Variants in CDC42BPA observed in about 807,000 individuals in gnomAD.
The protein encoded by CDC42BPA is serine/threonine-protein kinase MRCK alpha.
Under a neutral mutation model 223.5 loss-of-function variants are expected in CDC42BPA, and 80 were observed. The ratio of observed to expected loss-of-function variants is 0.36; its 90% CI spans 0.30 to 0.43. The LOEUF is 0.43. Among genes scored for constraint, CDC42BPA ranks in the 20% least tolerant of loss-of-function variants. The pLI, the probability that CDC42BPA is intolerant of heterozygous loss-of-function variation, is 1.00. For synonymous variants in CDC42BPA, 694 were observed against 718.6 expected, an observed-to-expected ratio of 0.97 and a Z score of 0.55; for missense variants, 1,743 against 2,099.9, an observed-to-expected ratio of 0.83 and a Z score of 3.32.
At chr1:227,079,113 T>G (rs16847020) in intron 17 of CDC42BPA, among the ~76,000 whole-genome samples, 1 of 152,138 alleles carries the variant, frequency 6.6e-6, no homozygotes, top group South Asian at 2.1e-4. Context: ...GGTAAGAAAG[T>G]TGAACAGGGA....
rs1196658904 is a variant in CDC42BPA, at chr1:227,129,702, C to CATATATAT, written c.1391-479_1391-472dup. 2.8e-4 allele frequency among the ~76,000 whole-genome samples: 20 copies of CATATATAT among 70,918 alleles called. 1 individual carries two copies. Among genetic ancestry groups the CATATATAT allele is most frequent in the African/African-American group, 8.4e-4 (15 of 17,824 alleles). 46.5% of individuals were successfully genotyped at this position (70,918 alleles called of 152,430 possible). On this transcript the variant is annotated intron_variant, in intron 10 of 36. Coordinates refer to ENST00000366766, the MANE Select transcript of CDC42BPA (RefSeq NM_001394014.1). ...AAAAAAAAAAAAAAAAAATCCACTG[C>CATATATAT]ATATATATATATACAAAAGAATCCA... is the stretch of plus-strand genomic sequence containing the variant.
In CDC42BPA at chr1:227,204,421, T is replaced by C. The variant is rs767216882; in HGVS notation, c.355-4769A>G. ...AGTGCAAAGATAATAGTCCAACTTT[T>C]ATAGAAGATAATTTTATTGGAACAA... is the stretch of plus-strand genomic sequence containing the variant. On this transcript the variant is annotated intron_variant, in intron 3 of 36. Transcript: ENST00000366766. 3.7e-4 allele frequency among the ~76,000 whole-genome samples: 56 copies of C among 152,188 alleles called. 1 individual carries two copies. Among genetic ancestry groups the C allele is most frequent in the Non-Finnish European group, 1.2e-4 (8 of 68,030 alleles).
intron 15 of CDC42BPA, among the ~76,000 whole-genome samples, chr1:227,100,225 A>G (rs1257818910): frequency 6.6e-6 from 1 of 151,960 alleles, no homozygotes; most frequent in Non-Finnish European, 1.5e-5. Context: ...CTTCACTATC[A>G]CCACCTGAGG....
intron 28 of CDC42BPA, among the ~76,000 whole-genome samples, chr1:227,030,921 CTG>C (rs1235009812): frequency 6.6e-6 from 1 of 152,162 alleles, no homozygotes; most frequent in Non-Finnish European, 1.5e-5. Context: ...GCAGGGCACT[CTG>C]TGTTATGTAT....
chr1:227,163,577 T>C (rs544260551), intron 5 of CDC42BPA, among the ~76,000 whole-genome samples: 2 of 152,136 alleles, frequency 1.3e-5, no homozygotes, highest in South Asian at 4.2e-4. Context: ...CCTGTTAATA[T>C]CCCTTGCCGT....
At chr1:227,190,581 G>A (rs527471112) in intron 5 of CDC42BPA, among the ~76,000 whole-genome samples, 8 of 152,158 alleles carry the variant, frequency 5.3e-5, no homozygotes, top group Admixed American at 2.0e-4. Flanking sequence ...TTAACTTGTG[G>A]TATTTTAAGT....
At position 227,047,951 on chromosome 1, in the gene CDC42BPA, A is replaced by T; in HGVS notation, c.3069T>A (p.Pro1023=). ...HTPTLRKKGC[P]GSTGFPPKRK... ...CCTTAGGTGGAAAGCCAGTTGAACC[A>T]GGACATCCTTTTTTCCTTAAGGTTG... Residue 1023 remains proline (P), a synonymous_variant, in exon 23 of 37, where the codon CCT becomes CCA. Coordinates refer to ENST00000366766, the MANE Select transcript of CDC42BPA (RefSeq NM_001394014.1). The T allele has an allele frequency of 6.2e-7, 1 of 1,610,670 alleles. No individual in the cohort carries two copies. Among genetic ancestry groups the T allele is most frequent in the Non-Finnish European group, 8.5e-7 (1 of 1,177,308 alleles).
intron 5 of CDC42BPA, 107 bp downstream of exon 5, chr1:227,193,675 TGACG>T: frequency 2.2e-6 from 2 of 892,430 alleles, no homozygotes; most frequent in Non-Finnish European, 3.3e-6. Context: ...TTTTTTTGGT[TGACG>T]ATAAATGTAT....
intron 2 of CDC42BPA, among the ~76,000 whole-genome samples, chr1:227,216,297 T>C (rs1309738537): frequency 6.6e-6 from 1 of 152,176 alleles, no homozygotes; most frequent in African/African-American, 2.4e-5. Context: ...ACACATCACA[T>C]CCTGGTCATG....
chr1:227,183,040 C>T (rs1011317403), intron 5 of CDC42BPA: 1 of 152,214 alleles, frequency 6.6e-6, no homozygotes, highest in Non-Finnish European at 1.5e-5. Context: ...TGAGCCATTA[C>T]TGGCTTCTCT....
chr1:227,096,069 G>C (rs1344779940), intron 15 of CDC42BPA, among the ~76,000 whole-genome samples: 1 of 152,074 alleles, frequency 6.6e-6, no homozygotes, highest in Non-Finnish European at 1.5e-5. Flanking sequence ...GATCTTAAAA[G>C]TGTAATCTTA....
chr1:227,067,080 T>C (rs1331449604), intron 21 of CDC42BPA, among the ~76,000 whole-genome samples: 1 of 152,170 alleles, frequency 6.6e-6, no homozygotes, highest in Non-Finnish European at 1.5e-5. Flanking sequence ...TACTAGGAGT[T>C]CCCTTGCAGT....
intron 35 of CDC42BPA, among the ~76,000 whole-genome samples, chr1:227,001,645 G>A (rs867617033): frequency 4.6e-5 from 7 of 152,158 alleles, no homozygotes; most frequent in South Asian, 4.1e-4. Flanking sequence ...GGTGGGTCAC[G>A]CCTGTAATCC....
chr1:227,205,365 T>A (rs1045014950), intron 3 of CDC42BPA, among the ~76,000 whole-genome samples: 1 of 150,660 alleles, frequency 6.6e-6, no homozygotes, highest in African/African-American at 2.4e-5. Flanking sequence ...GAATGAGATA[T>A]TATAAATGTA....
chr1:227,040,300 T>C (rs752160056), intron 23 of CDC42BPA, 64 bp from the exon 24 acceptor site: 6 of 917,552 alleles, frequency 6.5e-6, no homozygotes, highest in East Asian at 2.5e-5. Flanking sequence ...TGTGAGTCCT[T>C]ATGCCCCATA....
rs147375766 is a variant in CDC42BPA at position 227,291,078 on chromosome 1, A to G, written c.178+25927T>C. Among the ~76,000 whole-genome samples the G allele has an allele frequency of 1.2e-3, 189 of 152,270 alleles. 2 individuals carry two copies. The highest frequency in any genetic ancestry group is 5.1e-4 in the Non-Finnish European group (35 of 68,030). ...TCTTATTGGCACCAATACCAATTAT[A>G]TTGGTTCAGGAATAGAGAGGAGACC... On this transcript the variant is annotated intron_variant, in intron 1 of 36. Transcript: ENST00000366766.
At chr1:227,283,695 G>A (rs1351429167) in intron 1 of CDC42BPA, among the ~76,000 whole-genome samples, 16 of 152,084 alleles carry the variant, frequency 1.1e-4, no homozygotes, top group Non-Finnish European at 2.1e-4. Context: ...TGATGAGTAC[G>A]GAAGCCCAAC....
intron 2 of CDC42BPA, among the ~76,000 whole-genome samples, chr1:227,216,871 T>C (rs890417200): frequency 6.6e-6 from 1 of 151,684 alleles, no homozygotes; most frequent in African/African-American, 2.4e-5. Flanking sequence ...AGTAAAAACA[T>C]GATGTTAGAA....
At chr1:227,163,249 ATAT>A (rs1249813718) in intron 5 of CDC42BPA, among the ~76,000 whole-genome samples, 1 of 152,170 alleles carries the variant, frequency 6.6e-6, no homozygotes, top group African/African-American at 2.4e-5. Context: ...ATTTTGGGAC[ATAT>A]TGTTTTAATT....
Sources: allele counts gnomAD v4.1 joint callset (sites outside exome capture counted in the v4.1 genomes callset), GRCh38; gene constraint gnomAD v4.1.1; transcripts MANE v1.5; gene names NCBI Gene and HGNC (gene_info 2026-07-23, HGNC 2026-07-21).